UBE2K: variants seen among roughly 807,000 people sequenced by gnomAD.
The protein encoded by UBE2K is ubiquitin-conjugating enzyme E2 K.
A neutral mutation model predicts 30.0 loss-of-function variants in UBE2K; 6 were observed. That is an observed-to-expected ratio of 0.20 (90% CI 0.11 to 0.39). The LOEUF is 0.39. Ranked by LOEUF, UBE2K falls within the 10% of genes least tolerant of loss-of-function variation. The pLI is 1.00. For missense variants in UBE2K, 61 were observed against 241.6 expected (o/e 0.25, Z 4.96); for synonymous variants, 86 against 83.7 (o/e 1.03, Z -0.15).
At chr4:39,745,261 A>G (rs1241863353) in intron 2 of UBE2K, among the ~76,000 whole-genome samples, 1 of 152,254 alleles carries the variant, frequency 6.6e-6, no homozygotes, top group African/African-American at 2.4e-5. Context: ...AAATGAAAAG[A>G]TTGGGACCTT....
rs75603236 is a variant in UBE2K, at chr4:39,699,902, G to C, written c.63+1512G>C. On this transcript the variant is annotated intron_variant, in intron 1 of 6. Coordinates refer to ENST00000261427, the MANE Select transcript of UBE2K (RefSeq NM_005339.5). ...ATGGAAGGATGACTTTGTATTTTGT[G>C]GTACAATGCAGAAATAGAGTCATAA... 7.4e-3 allele frequency among the ~76,000 whole-genome samples: 1,124 copies of C among 152,142 alleles called. 6 individuals carry two copies. Among genetic ancestry groups the C allele is most frequent in the Non-Finnish European group, 0.012 (826 of 67,960 alleles).
chr4:39,778,247 C>T (rs1050297544), intron 6 of UBE2K, 113 bp from the exon 7 acceptor site: 4 of 524,542 alleles, frequency 7.6e-6, no homozygotes, highest in Non-Finnish European at 1.3e-5. Context: ...AAATGTAAAT[C>T]AACTTACAGA....
chr4:39,759,044 A>C (rs1711691365), intron 4 of UBE2K, among the ~76,000 whole-genome samples: 1 of 152,184 alleles, frequency 6.6e-6, no homozygotes, highest in African/African-American at 2.4e-5. Context: ...AGCTTTACTG[A>C]GGTATAATTG....
At chr4:39,777,843 A>G in intron 6 of UBE2K, 33 bp downstream of exon 6, 2 of 1,370,702 alleles carry the variant, frequency 1.5e-6, no homozygotes, top group South Asian at 2.2e-5. Flanking sequence ...ATTTTGATAT[A>G]TTGATTGATT....
chr4:39,717,037 G>A (rs374392944), intron 1 of UBE2K, among the ~76,000 whole-genome samples: 47 of 149,848 alleles, frequency 3.1e-4, no homozygotes, highest in African/African-American at 9.6e-4. Flanking sequence ...TGGGTGGTGC[G>A]CATCAGTAGT....
rs1056467894 is a variant in UBE2K at position 39,777,718 on chromosome 4, C to G, written c.436C>G (p.Arg146Gly). Residue 146 changes from arginine (R) to glycine (G), a missense_variant, in exon 6 of 7, where the codon CGA (arginine) becomes GGA (glycine). Arg to Gly is a moderately radical substitution (Grantham distance 125, BLOSUM62 -2). Coordinates refer to ENST00000261427, the MANE Select transcript of UBE2K (RefSeq NM_005339.5). Reference protein sequence around the residue: ...QNPEMFKQTARLWAHVYAGAP... With the variant: ...QNPEMFKQTAGLWAHVYAGAP... ...TCCCGAAATGTTCAAACAGACAGCTCGACTTTGGGCACATGTGTATGCTGG... is the reference window on the plus strand; with the variant it reads ...TCCCGAAATGTTCAAACAGACAGCTGGACTTTGGGCACATGTGTATGCTGG... The G allele has an allele frequency of 3.2e-6, 5 of 1,562,708 alleles. No homozygotes were observed. Among genetic ancestry groups the G allele is most frequent in the Non-Finnish European group, 4.3e-6 (5 of 1,163,670 alleles).
intron 3 of UBE2K, among the ~76,000 whole-genome samples, chr4:39,753,349 G>T (rs1401152053): frequency 2.0e-5 from 3 of 149,014 alleles, no homozygotes; most frequent in Non-Finnish European, 4.5e-5. Flanking sequence ...GACCTTCTCT[G>T]GGGGGGAAAA....
intron 4 of UBE2K, among the ~76,000 whole-genome samples, chr4:39,772,584 AAAG>A (rs144380213): frequency 0.5 from 76,080 of 151,122 alleles, 19,919 homozygotes; most frequent in East Asian, 0.64. Flanking sequence ...AAAAAGAAAA[AAAG>A]AAGAATGATC....
In UBE2K at chr4:39,717,771, T is replaced by G. The variant is rs1043583098; in HGVS notation, c.63+19381T>G. 3.8e-4 allele frequency among the ~76,000 whole-genome samples: 58 copies of G among 152,066 alleles called. 2 individuals carry two copies. The highest frequency in any genetic ancestry group is 4.6e-4 in the Admixed American group (7 of 15,258). ...TAAAGGCGGCGTGTCCGGAGTTTGT[T>G]CCTTCTGATGTTCGGTTGTGTTCGG... On this transcript the variant is annotated intron_variant, in intron 1 of 6. Transcript: ENST00000261427.
intron 2 of UBE2K, among the ~76,000 whole-genome samples, chr4:39,739,539 C>T (rs188325242): frequency 5.5e-4 from 80 of 146,750 alleles, no homozygotes; most frequent in African/African-American, 1.4e-3. Context: ...CTCCGCCTCC[C>T]GGGTTCAAGC....
chr4:39,729,809 G>C (rs910719994), intron 1 of UBE2K, among the ~76,000 whole-genome samples: 2 of 152,134 alleles, frequency 1.3e-5, no homozygotes, highest in Non-Finnish European at 2.9e-5. Context: ...TCCTAAACCT[G>C]TCAAGTCCTC....
intron 1 of UBE2K, among the ~76,000 whole-genome samples, chr4:39,737,191 T>G (rs1354958452): frequency 2.0e-5 from 3 of 152,194 alleles, no homozygotes; most frequent in East Asian, 1.9e-4. Context: ...GCCATTGTAT[T>G]GTTGTTCATA....
intron 1 of UBE2K, among the ~76,000 whole-genome samples, chr4:39,721,059 T>G (rs1055311802): frequency 5.3e-4 from 80 of 152,290 alleles, no homozygotes; most frequent in Non-Finnish European, 7.4e-4. Flanking sequence ...TCTGTTTTTC[T>G]TTTTTTCTTT....
chr4:39,752,737 T>G (rs368840087), intron 3 of UBE2K, among the ~76,000 whole-genome samples: 19 of 152,262 alleles, frequency 1.2e-4, no homozygotes, highest in African/African-American at 4.6e-4. Context: ...GGTTGATTAT[T>G]CAAAATTCAA....
At chr4:39,700,616 G>A (rs866235659) in intron 1 of UBE2K, among the ~76,000 whole-genome samples, 2 of 152,124 alleles carry the variant, frequency 1.3e-5, no homozygotes, top group Non-Finnish European at 2.9e-5. Context: ...TAGTCCATGT[G>A]TTTCCTTTTT....
At chr4:39,738,604 C>T (rs778532490) in intron 2 of UBE2K, among the ~76,000 whole-genome samples, 84 of 152,198 alleles carry the variant, frequency 5.5e-4, no homozygotes, top group Non-Finnish European at 1.5e-4. Flanking sequence ...CCTCCAGCTT[C>T]CTCAGTAGCT....
At chr4:39,712,131 C>CT (rs1294788948) in intron 1 of UBE2K, among the ~76,000 whole-genome samples, 46 of 143,562 alleles carry the variant, frequency 3.2e-4, no homozygotes, top group Middle Eastern at 3.6e-3. Flanking sequence ...ACCGCCCCCC[C>CT]TTTTTTTTTT....
In UBE2K at chr4:39,738,255, TAATTATAC is replaced by T. The variant is rs371514156; in HGVS notation, c.157+744_157+751del. Among the ~76,000 whole-genome samples, 375 of 152,330 alleles carry T rather than the reference TAATTATAC, an allele frequency of 2.5e-3. 3 individuals are homozygous for T. Among genetic ancestry groups the T allele is most frequent in the African/African-American group, 8.6e-3 (357 of 41,580 alleles). ...AACATATAACAATATATGGTAACCC[TAATTATAC>T]AGTCTTTACATGTATTTTCTCATTT... On this transcript the variant is annotated intron_variant, in intron 2 of 6. Coordinates refer to ENST00000261427, the MANE Select transcript of UBE2K (RefSeq NM_005339.5).
In UBE2K at chr4:39,698,713, G is replaced by C. The variant is rs1444664498; in HGVS notation, c.63+323G>C. Among the ~76,000 whole-genome samples the C allele has an allele frequency of 1.2e-4, 19 of 152,198 alleles. 1 individual carries two copies. Among genetic ancestry groups the C allele is most frequent in the Non-Finnish European group, 2.9e-5 (2 of 68,030 alleles). ...CCGCAGCTGGAAATGTGGCTGTGGG[G>C]TGGGGAGGGAGCAGGCCGAGCCTGA... On this transcript the variant is annotated intron_variant, in intron 1 of 6. Transcript: ENST00000261427.
Sources: allele counts gnomAD v4.1 joint callset (sites outside exome capture counted in the v4.1 genomes callset), GRCh38; gene constraint gnomAD v4.1.1; transcripts MANE v1.5; gene names NCBI Gene and HGNC (gene_info 2026-07-23, HGNC 2026-07-21).